RECQL: variants seen among roughly 807,000 people sequenced by gnomAD.
RECQL encodes ATP-dependent DNA helicase Q1.
Under a neutral mutation model 75.8 loss-of-function variants are expected in RECQL, and 73 were observed. The observed-to-expected ratio is 0.96, with a 90% CI of 0.80 to 1.17. The LOEUF (loss-of-function observed/expected upper bound fraction) is 1.17, where lower values mean the gene tolerates loss of function less well. RECQL is among the 50% of genes most tolerant of loss of function. The pLI, the probability that RECQL is intolerant of heterozygous loss-of-function variation, is 0.00. For synonymous variants in RECQL, 248 were observed against 254.4 expected, an observed-to-expected ratio of 0.97 and a Z score of 0.24; for missense variants, 699 against 772.1, an observed-to-expected ratio of 0.91 and a Z score of 1.12.
chr12:21,481,785 G>C (rs1943196360), intron 6 of RECQL, among the ~76,000 whole-genome samples: 1 of 152,134 alleles, frequency 6.6e-6, no homozygotes, highest in South Asian at 2.1e-4. Flanking sequence ...GACAGGAAGA[G>C]CGAAGGAGGT....
intron 4 of RECQL, among the ~76,000 whole-genome samples, chr12:21,486,804 G>A (rs960569804): frequency 2.2e-4 from 33 of 151,594 alleles, no homozygotes; most frequent in Non-Finnish European, 1.3e-4. Flanking sequence ...CCGAGTAGCT[G>A]GGACTACAGG....
chr12:21,487,282 C>G (rs2137393028), intron 4 of RECQL, among the ~76,000 whole-genome samples: 1 of 151,984 alleles, frequency 6.6e-6, no homozygotes, highest in East Asian at 1.9e-4. Flanking sequence ...TAAAGCTTTC[C>G]AAAAAAACCA....
At chr12:21,474,788 T>C (rs1455301080) in intron 11 of RECQL, 53 bp downstream of exon 11, 3 of 1,541,106 alleles carry the variant, frequency 1.9e-6, no homozygotes, top group East Asian at 4.5e-5. Context: ...CGATGTCATA[T>C]ACTTTCATAT....
chr12:21,475,014 C>A, intron 10 of RECQL, 35 bp from the exon 11 acceptor site: 3 of 1,592,480 alleles, frequency 1.9e-6, no homozygotes, highest in Non-Finnish European at 8.6e-7. Flanking sequence ...TGCAGAATTA[C>A]ATTTACAAAT....
intron 13 of RECQL, 68 bp from the exon 14 acceptor site, chr12:21,471,166 A>T (rs1234974000): frequency 7.1e-7 from 1 of 1,414,490 alleles, no homozygotes; most frequent in Non-Finnish European, 9.5e-7. Flanking sequence ...TTTATAAAAG[A>T]AATAACTATA....
At chr12:21,483,631 T>C in intron 5 of RECQL, 57 bp from the exon 6 acceptor site, 1 of 1,226,846 alleles carries the variant, frequency 8.2e-7, no homozygotes, top group South Asian at 1.4e-5. Context: ...CAGACTGAAA[T>C]ACTAGGTGGT....
intron 5 of RECQL, among the ~76,000 whole-genome samples, chr12:21,485,640 ACTTTT>A (rs1265619488): frequency 6.6e-6 from 1 of 152,098 alleles, no homozygotes; most frequent in Non-Finnish European, 1.5e-5. Context: ...ATGGCACAGC[ACTTTT>A]CTTTAAAGTT....
chr12:21,496,191 G>A (rs1202778501), intron 2 of RECQL, among the ~76,000 whole-genome samples: 2 of 152,224 alleles, frequency 1.3e-5, no homozygotes, highest in African/African-American at 4.8e-5. Flanking sequence ...GGTGTATGCA[G>A]AAGACAATGG....
At chr12:21,472,721 G>A (rs967370187) in intron 12 of RECQL, among the ~76,000 whole-genome samples, 1 of 152,050 alleles carries the variant, frequency 6.6e-6, no homozygotes, top group Non-Finnish European at 1.5e-5. Context: ...CAGCAGGGTT[G>A]TGACCAATGC....
chr12:21,481,143 G>T (rs1461823222), intron 6 of RECQL, among the ~76,000 whole-genome samples: 1 of 152,188 alleles, frequency 6.6e-6, no homozygotes, highest in African/African-American at 2.4e-5. Context: ...TTAAGACAGA[G>T]AAGACTGAAG....
chr12:21,475,068 G>T, intron 10 of RECQL, 89 bp from the exon 11 acceptor site: 1 of 1,285,592 alleles, frequency 7.8e-7, no homozygotes, highest in Non-Finnish European at 1.1e-6. Flanking sequence ...AGCAGGCAAT[G>T]TTTTATACTA....
At chr12:21,471,351 A>C in intron 13 of RECQL, 77 bp downstream of exon 13, 1 of 1,333,958 alleles carries the variant, frequency 7.5e-7, no homozygotes, top group Admixed American at 2.3e-5. Flanking sequence ...TAACTGCAAA[A>C]CCGTTTATTC....
intron 5 of RECQL, among the ~76,000 whole-genome samples, chr12:21,483,963 A>G (rs558991362): frequency 3.9e-5 from 6 of 152,306 alleles, no homozygotes; most frequent in Non-Finnish European, 7.4e-5. Context: ...TTTTAACATT[A>G]TATTTATAAT....
chr12:21,479,298 G>C (rs1943146836), intron 6 of RECQL, among the ~76,000 whole-genome samples: 2 of 151,358 alleles, frequency 1.3e-5, no homozygotes, highest in South Asian at 4.2e-4. Flanking sequence ...AATTCAACCA[G>C]TTGATTCTAA....
rs776151169 is a variant in RECQL, at chr12:21,471,631, GTTCT to G, written c.1460_1463del (p.Lys487ThrfsTer2). 2.5e-6 allele frequency: 4 copies of G among 1,612,090 alleles called. No individual in the cohort carries two copies. The highest frequency in any genetic ancestry group is 1.6e-4 in the Middle Eastern group (1 of 6,074). ...TTAGATCTCTGCAGTACTCTGTTAT[GTTCT>G]TTCTTTCAAATGCTGTAATAAAACA... On this transcript the variant is annotated frameshift_variant, in exon 13 of 15. Transcript: ENST00000444129. LOFTEE classifies it high-confidence loss of function.
In RECQL at chr12:21,474,896, T is replaced by C. The variant is rs752884057; in HGVS notation, c.1300A>G (p.Asn434Asp). The C allele has an allele frequency of 6.2e-7, 1 of 1,613,278 alleles. No homozygotes were observed. The highest frequency in any genetic ancestry group is 1.1e-5 in the South Asian group (1 of 91,046). The stretch of plus-strand genomic sequence containing the variant: ...TCATAAAGCTTCTGCTGTCCCACAT[T>C]TTCCATCACCACCATTGAACTTATT... ...FRISSMVVME[N>D]VGQQKLYEMV... Residue 434 changes from asparagine (N) to aspartate (D), a missense_variant, in exon 11 of 15, where the codon AAT becomes GAT. Asn to Asp is a conservative substitution (Grantham distance 23). Transcript: ENST00000444129.
chr12:21,485,136 T>G (rs1383116655), intron 5 of RECQL, among the ~76,000 whole-genome samples: 1 of 149,982 alleles, frequency 6.7e-6, no homozygotes, highest in African/African-American at 2.5e-5. Flanking sequence ...TTGAACCCAC[T>G]GACGCTTAGC....
At chr12:21,482,959 TA>T (rs1405355394) in intron 6 of RECQL, among the ~76,000 whole-genome samples, 2 of 152,202 alleles carry the variant, frequency 1.3e-5, no homozygotes, top group African/African-American at 4.8e-5. Context: ...GAATGATGAC[TA>T]AAGATGACAA....
In RECQL at chr12:21,486,657, G is replaced by A. The variant is rs7964104; in HGVS notation, c.395-72C>T. On this transcript the variant is annotated intron_variant, in intron 4 of 14. Transcript: ENST00000444129. ...TCAGAATCAGATGCAAACCATTCAC[G>A]TTTTTTTTTTTTTTTTTTTTTTTTT... 6.4e-5 allele frequency: 11 copies of A among 172,116 alleles called. 1 individual carries two copies. Among genetic ancestry groups the A allele is most frequent in the South Asian group, 1.0e-4 (2 of 19,768 alleles). 10.7% of individuals were successfully genotyped at this position (172,116 alleles called of 1,614,324 possible). A position where few individuals can be genotyped will look rare whatever the true frequency, so the allele number is the denominator to read the frequency against.
Sources: allele counts gnomAD v4.1 joint callset (sites outside exome capture counted in the v4.1 genomes callset), GRCh38; gene constraint gnomAD v4.1.1; transcripts MANE v1.5; gene names NCBI Gene and HGNC (gene_info 2026-07-23, HGNC 2026-07-21).